Variants in SHISA6 observed in about 807,000 individuals in gnomAD.
SHISA6 encodes shisa family member 6, also known as protein shisa-6.
A neutral mutation model predicts 47.9 loss-of-function variants in SHISA6; 22 were observed. The ratio of observed to expected loss-of-function variants is 0.46; its 90% confidence interval spans 0.33 to 0.66. The LOEUF (loss-of-function observed/expected upper bound fraction) is 0.66. Ranked by LOEUF, SHISA6 falls within the 30% of genes least tolerant of loss-of-function variation. The probability of loss-of-function intolerance (pLI) is 0.02; values close to 1 mark genes in which losing one functional copy is unlikely to be tolerated. For synonymous variants in SHISA6, 388 were observed against 337.8 expected (o/e 1.15, Z -1.63); for missense variants, 680 against 764.6 (o/e 0.89, Z 1.30).
At chr17:11,489,188 C>G (rs763598459) in intron 3 of SHISA6, among the ~76,000 whole-genome samples, 1 of 152,052 alleles carries the variant, frequency 6.6e-6, no homozygotes, top group Non-Finnish European at 1.5e-5. Flanking sequence ...AGGGAGAAGA[C>G]CACCCCAGAC....
intron 3 of SHISA6, among the ~76,000 whole-genome samples, chr17:11,489,529 A>C (rs1916425211): frequency 6.6e-6 from 1 of 152,148 alleles, no homozygotes; most frequent in Non-Finnish European, 1.5e-5. Context: ...AATCCTGTGA[A>C]GTAGGCAACT....
intron 2 of SHISA6, among the ~76,000 whole-genome samples, chr17:11,316,397 G>GTC (rs143386215): frequency 3.3e-4 from 29 of 87,980 alleles, no homozygotes; most frequent in African/African-American, 7.6e-4. Context: ...CCTTCTCTCT[G>GTC]TCTCTCTCTC....
intron 3 of SHISA6, among the ~76,000 whole-genome samples, chr17:11,541,215 CAGGTGAGTAG>C (rs1306330349): frequency 6.6e-6 from 1 of 152,142 alleles, no homozygotes; most frequent in Non-Finnish European, 1.5e-5. Flanking sequence ...AGGCGGAGGT[CAGGTGAGTAG>C]GAGGAATGCT....
intron 3 of SHISA6, among the ~76,000 whole-genome samples, chr17:11,382,139 C>T (rs533856929): frequency 6.6e-6 from 1 of 152,172 alleles, no homozygotes; most frequent in East Asian, 1.9e-4. Context: ...GTGGCACAAT[C>T]ATAGCTCACT....
intron 2 of SHISA6, among the ~76,000 whole-genome samples, chr17:11,280,994 A>G (rs1340728860): frequency 6.6e-6 from 1 of 152,250 alleles, no homozygotes; most frequent in Non-Finnish European, 1.5e-5. Context: ...GTATATAAAA[A>G]TACAATTGCT....
chr17:11,519,730 G>T (rs1029019601), intron 3 of SHISA6, among the ~76,000 whole-genome samples: 2 of 152,046 alleles, frequency 1.3e-5, no homozygotes, highest in Non-Finnish European at 2.9e-5. Flanking sequence ...ATGTTTCTCA[G>T]CCCATAACCA....
chr17:11,396,828 C>T (rs969301001), intron 3 of SHISA6, among the ~76,000 whole-genome samples: 15 of 152,082 alleles, frequency 9.9e-5, no homozygotes, highest in South Asian at 4.2e-4. Flanking sequence ...TTGACAGGTG[C>T]GGCAAACCAA....
intron 2 of SHISA6, among the ~76,000 whole-genome samples, chr17:11,310,319 A>G (rs1487219846): frequency 1.3e-5 from 2 of 152,232 alleles, no homozygotes; most frequent in African/African-American, 2.4e-5. Context: ...GCTGTTGACA[A>G]TCAATAGACA....
intron 3 of SHISA6, among the ~76,000 whole-genome samples, chr17:11,530,681 T>A (rs1378590960): frequency 8.5e-5 from 13 of 152,190 alleles, no homozygotes; most frequent in Admixed American, 7.9e-4. Context: ...GTTATAAAGT[T>A]CTAGCAGCAT....
intron 2 of SHISA6, among the ~76,000 whole-genome samples, chr17:11,291,982 A>T (rs1466304805): frequency 6.6e-6 from 1 of 152,202 alleles, no homozygotes; most frequent in Admixed American, 6.5e-5. Context: ...ACCCAAGCCA[A>T]TGGACATATG....
chr17:11,468,221 G>T (rs375503066), intron 3 of SHISA6, among the ~76,000 whole-genome samples: 11 of 147,920 alleles, frequency 7.4e-5, no homozygotes, highest in Non-Finnish European at 4.4e-5. Flanking sequence ...GATTTTCCTT[G>T]CTTTTTTGCA....
intron 3 of SHISA6, among the ~76,000 whole-genome samples, chr17:11,479,630 A>T (rs1916162924): frequency 6.6e-6 from 1 of 152,120 alleles, no homozygotes; most frequent in South Asian, 2.1e-4. Context: ...AGTAAAAGAA[A>T]AAAGAAAAAA....
intron 2 of SHISA6, among the ~76,000 whole-genome samples, chr17:11,378,634 C>A (rs1481141503): frequency 6.6e-6 from 1 of 152,158 alleles, no homozygotes; most frequent in Non-Finnish European, 1.5e-5. Flanking sequence ...AACATTAACT[C>A]GGTTCTCTTT....
intron 3 of SHISA6, among the ~76,000 whole-genome samples, chr17:11,481,356 G>A (rs1297077449): frequency 1.4e-3 from 171 of 121,166 alleles, no homozygotes; most frequent in African/African-American, 5.1e-3. Context: ...GTGTGTGTGT[G>A]TGTGTGTGTG....
chr17:11,372,827 C>G (rs1003814384), intron 2 of SHISA6, among the ~76,000 whole-genome samples: 1 of 152,134 alleles, frequency 6.6e-6, no homozygotes, highest in Non-Finnish European at 1.5e-5. Flanking sequence ...AGCTCCCTCT[C>G]AGCTTGTCAG....
At chr17:11,531,203 T>G (rs2071728931) in intron 3 of SHISA6, among the ~76,000 whole-genome samples, 1 of 143,816 alleles carries the variant, frequency 7.0e-6, no homozygotes, top group Admixed American at 7.0e-5. Context: ...GCTGGACAGG[T>G]TACTACTCTG....
At chr17:11,325,272 T>C (rs1546561) in intron 2 of SHISA6, among the ~76,000 whole-genome samples, 41,164 of 152,108 alleles carry the variant, frequency 0.27, 6,471 homozygotes, top group Non-Finnish European at 0.35. Context: ...GCAGGTTGAA[T>C]GGCACGAGCT....
At chr17:11,520,115 C>T (rs1302574252) in intron 3 of SHISA6, among the ~76,000 whole-genome samples, 2 of 152,082 alleles carry the variant, frequency 1.3e-5, no homozygotes, top group African/African-American at 2.4e-5. Flanking sequence ...ACATCTCGAG[C>T]CTCGACTTTT....
intron 3 of SHISA6, among the ~76,000 whole-genome samples, chr17:11,523,451 T>C (rs753550643): frequency 2.0e-5 from 3 of 152,126 alleles, no homozygotes; most frequent in Non-Finnish European, 4.4e-5. Flanking sequence ...GAGATAGATA[T>C]GCCTGAGAGA....
Sources: allele counts gnomAD v4.1 joint callset (sites outside exome capture counted in the v4.1 genomes callset), GRCh38; gene constraint gnomAD v4.1.1; transcripts MANE v1.5; gene names NCBI Gene and HGNC (gene_info 2026-07-23, HGNC 2026-07-21).